GTF2IRD1: variants seen among roughly 807,000 people sequenced by gnomAD.
GTF2IRD1 encodes the protein general transcription factor II-I repeat domain-containing protein 1.
In GTF2IRD1, 26 loss-of-function variants were observed where a neutral mutation model predicts 113.2. The ratio of observed to expected loss-of-function variants is 0.23; its 90% confidence interval spans 0.17 to 0.32. The LOEUF (loss-of-function observed/expected upper bound fraction) is 0.32, where lower values mean the gene tolerates loss of function less well. Ranked by LOEUF, GTF2IRD1 falls within the 10% of genes least tolerant of loss-of-function variation. The probability of loss-of-function intolerance (pLI) is 1.00; values close to 1 mark genes in which losing one functional copy is unlikely to be tolerated. For synonymous variants in GTF2IRD1, 484 were observed against 529.1 expected (o/e 0.91, Z 1.17); for missense variants, 864 against 1,280.8 (o/e 0.67, Z 4.97).
intron 22 of GTF2IRD1, among the ~76,000 whole-genome samples, chr7:74,574,788 TA>T (rs587728538): frequency 2.7e-3 from 360 of 134,274 alleles, no homozygotes; most frequent in Non-Finnish European, 2.9e-3. Flanking sequence ...CAACACTGAT[TA>T]AAAAAAAAAA....
intron 16 of GTF2IRD1, among the ~76,000 whole-genome samples, chr7:74,546,719 A>C (rs1798964688): frequency 6.6e-6 from 1 of 151,644 alleles, no homozygotes. Flanking sequence ...CAGGAGGGAC[A>C]CTCGGGGGGC....
intron 17 of GTF2IRD1, among the ~76,000 whole-genome samples, chr7:74,551,108 A>G (rs1266351648): frequency 6.6e-6 from 1 of 152,020 alleles, no homozygotes; most frequent in Admixed American, 6.6e-5. Context: ...TTGAGAGGCC[A>G]AGGCAGATGG....
At chr7:74,543,309 G>GA (rs1200457568) in intron 14 of GTF2IRD1, among the ~76,000 whole-genome samples, 42 of 148,230 alleles carry the variant, frequency 2.8e-4, no homozygotes, top group African/African-American at 8.0e-4. Context: ...TCTAGAAAAA[G>GA]AAAAAAAAAG....
chr7:74,510,306 AT>A (rs35912885), intron 2 of GTF2IRD1, among the ~76,000 whole-genome samples: 499 of 137,074 alleles, frequency 3.6e-3, no homozygotes, highest in Middle Eastern at 7.4e-3. Flanking sequence ...GCTATTTGCA[AT>A]TTTTTTTTTT....
At position 74,537,486 on chromosome 7, in the gene GTF2IRD1, T is replaced by A. The variant is rs1798367672; in HGVS notation, c.1410-650T>A. Among the ~76,000 whole-genome samples the A allele has an allele frequency of 2.0e-5, 3 of 151,440 alleles. No individual in the cohort carries two copies. The South Asian group carries it at 6.2e-4, about 31-fold the overall frequency. ...CATGCATACATACCTACTACATGCA[T>A]ACACACCTACCTACATGCATACATA... On this transcript the variant is annotated intron_variant, in intron 11 of 26. Coordinates refer to ENST00000424337, the MANE Select transcript of GTF2IRD1 (RefSeq NM_005685.4).
chr7:74,493,592 C>T (rs935126558), intron 1 of GTF2IRD1, among the ~76,000 whole-genome samples: 6 of 152,070 alleles, frequency 3.9e-5, no homozygotes, highest in Non-Finnish European at 8.8e-5. Flanking sequence ...GAGCCTATCT[C>T]GGGTCTCTAA....
At chr7:74,551,712 C>G (rs1799317472) in intron 17 of GTF2IRD1, among the ~76,000 whole-genome samples, 1 of 151,506 alleles carries the variant, frequency 6.6e-6, no homozygotes, top group Non-Finnish European at 1.5e-5. Context: ...CTGAGGCAGG[C>G]AGATCACGAG....
chr7:74,559,117 G>A, intron 21 of GTF2IRD1, 73 bp downstream of exon 21: 1 of 1,380,378 alleles, frequency 7.2e-7, no homozygotes, highest in Non-Finnish European at 1.0e-6. Context: ...CGAATCCTTA[G>A]CCTTTCCCTA....
chr7:74,602,495 A>G lies in GTF2IRD1; in HGVS notation c.*62A>G. Reference sequence around the variant, plus strand: ...TAAAGGAAATGTAATTTATGTACAAAATGTATATTCGGATATGTATCGATG... The same window carrying G: ...TAAAGGAAATGTAATTTATGTACAAGATGTATATTCGGATATGTATCGATG... On this transcript the variant is annotated 3_prime_UTR_variant, in exon 27 of 27. Coordinates refer to ENST00000424337, the MANE Select transcript of GTF2IRD1 (RefSeq NM_005685.4). 1 of 1,411,018 alleles carries G rather than the reference A, an allele frequency of 7.1e-7. No homozygotes were observed. The highest frequency in any genetic ancestry group is 1.0e-6 in the Non-Finnish European group (1 of 997,634). 87.4% of individuals were successfully genotyped at this position (1,411,018 alleles called of 1,614,324 possible).
rs1320102257 is a variant in GTF2IRD1, at chr7:74,538,769, C to T, written c.1528+9C>T. On this transcript the variant is annotated intron_variant, in intron 13 of 26. Transcript: ENST00000424337. ...TCAGGTCACCGTCCCAGGTAAGGGA[C>T]GGGCATCTGACCACCCCCTGCAGAA... The T allele has an allele frequency of 1.4e-5, 21 of 1,470,094 alleles. No individual in the cohort carries two copies. Among genetic ancestry groups the T allele is most frequent in the East Asian group, 1.1e-4 (5 of 44,256 alleles). The allele number at this position is 1,470,094 out of a possible 1,614,324, so 91.1% of individuals were successfully genotyped here. A position where few individuals can be genotyped will look rare whatever the true frequency, so the allele number is the denominator to read the frequency against.
intron 22 of GTF2IRD1, among the ~76,000 whole-genome samples, chr7:74,574,788 T>TAA (rs587728538): frequency 7.4e-5 from 10 of 134,404 alleles, no homozygotes; most frequent in Admixed American, 1.5e-4. Flanking sequence ...CAACACTGAT[T>TAA]AAAAAAAAAA....
chr7:74,556,522 A>G (rs1466937076), intron 19 of GTF2IRD1, among the ~76,000 whole-genome samples: 5 of 148,952 alleles, frequency 3.4e-5, no homozygotes, highest in Non-Finnish European at 4.4e-5. Context: ...GGGTTTCACC[A>G]TGTTGGACAG....
In GTF2IRD1 at chr7:74,602,582, G is replaced by C; in HGVS notation, c.*149G>C. 9.1e-6 allele frequency: 3 copies of C among 330,720 alleles called. No individual in the cohort carries two copies. Among genetic ancestry groups the C allele is most frequent in the South Asian group, 8.2e-5 (1 of 12,234 alleles). The allele number at this position is 330,720 out of a possible 1,614,324, so 20.5% of individuals were successfully genotyped here. On this transcript the variant is annotated 3_prime_UTR_variant, in exon 27 of 27. Coordinates refer to ENST00000424337, the MANE Select transcript of GTF2IRD1 (RefSeq NM_005685.4). Reference sequence around the variant, plus strand: ...CTGCCACCAAGGCCTTTTTAAATAAGTAAAAAAAGAAAAAAAAAAAAAAGA... The same window carrying C: ...CTGCCACCAAGGCCTTTTTAAATAACTAAAAAAAGAAAAAAAAAAAAAAGA...
chr7:74,529,265 A>T (rs890518063), intron 8 of GTF2IRD1, among the ~76,000 whole-genome samples: 3 of 151,592 alleles, frequency 2.0e-5, no homozygotes, highest in Non-Finnish European at 4.4e-5. Context: ...TTTTATTTTT[A>T]TTTTTTGAGA....
Position 74,555,211 on chromosome 7 carries a change from A to G in GTF2IRD1, c.1954A>G (p.Met652Val), listed in dbSNP as rs2301895. 0.29 allele frequency: 462,714 copies of G among 1,612,464 alleles called. 72,973 individuals are homozygous for G. The highest frequency in any genetic ancestry group is 0.6 in the African/African-American group (45,087 of 74,944). ...LLTEGVKEPI[M>V]DSQERDSGDP... The stretch of plus-strand genomic sequence containing the variant: ...CACTGAGGGAGTCAAAGAGCCCATC[A>G]TGGATAGTCAAGGTACCCAGCGCGG... The change falls in exon 18 of 27, where the codon ATG (methionine) becomes GTG (valine). Residue 652 changes from methionine (M) to valine (V), a missense_variant. Physicochemically the swap from Met to Val is conservative, Grantham distance 21. Coordinates refer to ENST00000424337, the MANE Select transcript of GTF2IRD1 (RefSeq NM_005685.4). This position sits in a 1 kb window ranked among gnomAD's most constrained non-coding sequence, Gnocchi z 5.3.
chr7:74,471,094 C>T (rs561975503), intron 1 of GTF2IRD1, among the ~76,000 whole-genome samples: 6 of 152,156 alleles, frequency 3.9e-5, no homozygotes, highest in Non-Finnish European at 8.8e-5. Flanking sequence ...CGTGAGCCAC[C>T]GTGCCCGGCC....
At chr7:74,582,970 T>C (rs1554366568) in intron 22 of GTF2IRD1, among the ~76,000 whole-genome samples, 1 of 150,550 alleles carries the variant, frequency 6.6e-6, no homozygotes. Flanking sequence ...AGCAAGACCC[T>C]GTCTCTACCA....
At chr7:74,517,129 T>C (rs1796981453) in intron 4 of GTF2IRD1, among the ~76,000 whole-genome samples, 1 of 152,046 alleles carries the variant, frequency 6.6e-6, no homozygotes, top group South Asian at 2.1e-4. Flanking sequence ...GTTCAAGCAA[T>C]TCTCCTGCCT....
At chr7:74,505,659 T>G (rs572259314) in intron 1 of GTF2IRD1, among the ~76,000 whole-genome samples, 2 of 152,296 alleles carry the variant, frequency 1.3e-5, no homozygotes, top group East Asian at 3.9e-4. Flanking sequence ...CCTCAGCAGC[T>G]GGGAGGCTGG....
Sources: allele counts gnomAD v4.1 joint callset (sites outside exome capture counted in the v4.1 genomes callset), GRCh38; gene constraint gnomAD v4.1.1; non-coding constraint Gnocchi (gnomAD v3.1); transcripts MANE v1.5; gene names NCBI Gene and HGNC (gene_info 2026-07-23, HGNC 2026-07-21).